The following SLC30A9 variants were observed in gnomAD, a reference collection of about 807,000 sequenced individuals.
SLC30A9 encodes the protein proton-coupled zinc antiporter SLC30A9, mitochondrial.
Under a neutral mutation model 87.5 loss-of-function variants are expected in SLC30A9, and 58 were observed. That is an observed-to-expected ratio of 0.66 (90% confidence interval 0.54 to 0.82). The LOEUF (loss-of-function observed/expected upper bound fraction) is 0.82. Ranked by LOEUF, SLC30A9 falls within the 40% of genes least tolerant of loss-of-function variation. The pLI is 0.00. For synonymous variants in SLC30A9, 234 were observed against 233.0 expected, an observed-to-expected ratio of 1.00 and a Z score of -0.04; for missense variants, 557 against 679.1, an observed-to-expected ratio of 0.82 and a Z score of 2.00.
At chr4:42,069,942 C>T (rs1718240745) in intron 14 of SLC30A9, among the ~76,000 whole-genome samples, 1 of 152,086 alleles carries the variant, frequency 6.6e-6, no homozygotes, top group Non-Finnish European at 1.5e-5. Flanking sequence ...GGCTGCTGGT[C>T]CAGGAACCAC....
In SLC30A9 at chr4:42,089,229, T is replaced by C. The variant is rs774013276; in HGVS notation, c.*3103T>C. 1 of 152,162 alleles carries C rather than the reference T, an allele frequency of 6.6e-6. No individual in the cohort carries two copies. The highest frequency in any genetic ancestry group is 1.5e-5 in the Non-Finnish European group (1 of 68,038). 9.4% of individuals were successfully genotyped at this position (152,162 alleles called of 1,614,324 possible). Reference sequence around the variant, plus strand: ...GAGGTATACAGTGGTCCCTGACTTATAATGGTTGCACTTAAGAATTTTTAT... The same window carrying C: ...GAGGTATACAGTGGTCCCTGACTTACAATGGTTGCACTTAAGAATTTTTAT... On this transcript the variant is annotated 3_prime_UTR_variant, in exon 18 of 18. Coordinates refer to ENST00000264451, the MANE Select transcript of SLC30A9 (RefSeq NM_006345.4).
Position 42,078,206 on chromosome 4 carries a change from T to A in SLC30A9, c.1549-6T>A, listed in dbSNP as rs956000659. The A allele has an allele frequency of 7.3e-7, 1 of 1,378,512 alleles. No individual in the cohort carries two copies. The highest frequency in any genetic ancestry group is 1.0e-6 in the Non-Finnish European group (1 of 994,676). The allele number at this position is 1,378,512 out of a possible 1,614,324, so 85.4% of individuals were successfully genotyped here. On this transcript the variant is annotated splice_region_variant and splice_polypyrimidine_tract_variant and intron_variant, in intron 16 of 17. Transcript: ENST00000264451. ...ATTTATTTTCCTGTTTTCATTTTCT[T>A]TATAGGAAATTCAAGAAGTGAAAAC...
intron 8 of SLC30A9, among the ~76,000 whole-genome samples, chr4:42,048,867 G>A (rs1264355024): frequency 6.6e-6 from 1 of 152,140 alleles, no homozygotes; most frequent in Non-Finnish European, 1.5e-5. Flanking sequence ...CCTCTTAACA[G>A]TACATAATCT....
rs1174865919 is a variant in SLC30A9, at chr4:42,045,407, A to G, written c.738-3970A>G. ...TCACCACTGATCCCACAGAAATACA[A>G]AGTACCATCAGAGAATAATATAAAC... On this transcript the variant is annotated intron_variant, in intron 8 of 17. Transcript: ENST00000264451. Among the ~76,000 whole-genome samples, 6 of 152,256 alleles carry G rather than the reference A, an allele frequency of 3.9e-5. No individual in the cohort carries two copies. In the East Asian group the frequency reaches 5.8e-4, roughly 15 times the overall value.
At chr4:42,040,067 A>G (rs527734119) in intron 8 of SLC30A9, among the ~76,000 whole-genome samples, 3 of 152,304 alleles carry the variant, frequency 2.0e-5, no homozygotes, top group Non-Finnish European at 2.9e-5. Flanking sequence ...GACAGTTTCA[A>G]CTTCTTAGAA....
intron 14 of SLC30A9, among the ~76,000 whole-genome samples, chr4:42,067,583 A>G (rs543294980): frequency 6.6e-6 from 1 of 152,362 alleles, no homozygotes; most frequent in East Asian, 1.9e-4. Flanking sequence ...GTTCCAAATA[A>G]ATATACATAG....
intron 1 of SLC30A9, among the ~76,000 whole-genome samples, chr4:41,996,016 A>T (rs1449591589): frequency 2.0e-5 from 3 of 150,156 alleles, no homozygotes; most frequent in Admixed American, 1.3e-4. Context: ...GGCCCAGACA[A>T]ATAGTTTTAA....
chr4:42,055,664 T>C (rs1042226809), intron 9 of SLC30A9, among the ~76,000 whole-genome samples: 5 of 152,250 alleles, frequency 3.3e-5, no homozygotes, highest in African/African-American at 9.6e-5. Context: ...TATCATTTAA[T>C]ATCAACTGAG....
At chr4:42,069,537 G>C (rs941214452) in intron 14 of SLC30A9, among the ~76,000 whole-genome samples, 1 of 152,068 alleles carries the variant, frequency 6.6e-6, no homozygotes, top group African/African-American at 2.4e-5. Flanking sequence ...TTAACACTTA[G>C]TATAGATTAA....
chr4:42,005,649 G>C (rs1715169931), intron 2 of SLC30A9, among the ~76,000 whole-genome samples: 1 of 152,146 alleles, frequency 6.6e-6, no homozygotes, highest in Non-Finnish European at 1.5e-5. Context: ...TAGAAATCCG[G>C]GGAAAGCTGG....
chr4:41,994,419 C>A (rs1174677035), intron 1 of SLC30A9, among the ~76,000 whole-genome samples: 1 of 151,392 alleles, frequency 6.6e-6, no homozygotes, highest in Non-Finnish European at 1.5e-5. Context: ...GCACATATTT[C>A]TTTTTTTCAT....
chr4:42,053,387 A>C (rs1470298724), intron 9 of SLC30A9, among the ~76,000 whole-genome samples: 1 of 152,142 alleles, frequency 6.6e-6, no homozygotes, highest in East Asian at 1.9e-4. Context: ...GAATGGTCCC[A>C]AAAGATTTGT....
intron 7 of SLC30A9, among the ~76,000 whole-genome samples, chr4:42,037,239 C>CTTTTTTTT (rs536795831): frequency 3.6e-4 from 33 of 91,208 alleles, no homozygotes; most frequent in South Asian, 9.8e-4. Context: ...TAAATGCCTT[C>CTTTTTTTT]TTTTTTTTTT....
chr4:42,078,640 G>T (rs1364010365), intron 17 of SLC30A9: 1 of 164,906 alleles, frequency 6.1e-6, no homozygotes, highest in Non-Finnish European at 1.3e-5. Flanking sequence ...AAAGTTCCTA[G>T]AGAAAGATGA....
Position 42,018,043 on chromosome 4 carries a change from T to C in SLC30A9, c.275-68T>C, listed in dbSNP as rs1038790284. 181 of 847,850 alleles carry C rather than the reference T, an allele frequency of 2.1e-4. 1 individual carries two copies. Among genetic ancestry groups the C allele is most frequent in the Non-Finnish European group, 2.6e-4 (134 of 514,958 alleles). The allele number at this position is 847,850 out of a possible 1,614,324, so 52.5% of individuals were successfully genotyped here. On this transcript the variant is annotated intron_variant, in intron 2 of 17. Coordinates refer to ENST00000264451, the MANE Select transcript of SLC30A9 (RefSeq NM_006345.4). ...TGCATTGCTATATTACATTGGCTAA[T>C]ATTAATTAAGTTTATAGATTTATGA...
chr4:42,017,754 C>G (rs902305917), intron 2 of SLC30A9, among the ~76,000 whole-genome samples: 1 of 152,046 alleles, frequency 6.6e-6, no homozygotes, highest in African/African-American at 2.4e-5. Flanking sequence ...TTTAAAAATG[C>G]ATTTAAACAT....
chr4:42,035,774 G>GCGTGAGCCAC (rs112000800), intron 7 of SLC30A9, among the ~76,000 whole-genome samples: 99,107 of 151,288 alleles, frequency 0.66, 36,744 homozygotes, highest in East Asian at 0.96. Flanking sequence ...GGGATTACAA[G>GCGTGAGCCAC]CGTGCCCGGC....
At chr4:42,007,303 G>A (rs1208502215) in intron 2 of SLC30A9, among the ~76,000 whole-genome samples, 1 of 152,294 alleles carries the variant, frequency 6.6e-6, no homozygotes, top group Non-Finnish European at 1.5e-5. Context: ...TCTAAAATTA[G>A]GAGTACCAGA....
chr4:42,053,039 C>A (rs1204851512), intron 9 of SLC30A9, among the ~76,000 whole-genome samples: 1 of 151,816 alleles, frequency 6.6e-6, no homozygotes, highest in Non-Finnish European at 1.5e-5. Flanking sequence ...CCAGTTTTTT[C>A]CCCCCAAGGA....
Sources: allele counts gnomAD v4.1 joint callset (sites outside exome capture counted in the v4.1 genomes callset), GRCh38; gene constraint gnomAD v4.1.1; transcripts MANE v1.5; gene names NCBI Gene and HGNC (gene_info 2026-07-23, HGNC 2026-07-21).